The following EHMT1 variants were observed in gnomAD, a reference collection of about 807,000 sequenced individuals.
The protein encoded by EHMT1 is euchromatic histone lysine methyltransferase 1.
EHMT1 carries 15 observed loss-of-function variants against 147.2 expected under a neutral mutation model. That is an observed-to-expected ratio of 0.10 (90% CI 0.07 to 0.16). EHMT1 has a LOEUF of 0.16. EHMT1 is among the 10% of genes least tolerant of loss of function. The pLI is 1.00. For synonymous variants in EHMT1, 795 were observed against 709.6 expected, an observed-to-expected ratio of 1.12 and a Z score of -1.91; for missense variants, 1,587 against 1,772.4, an observed-to-expected ratio of 0.90 and a Z score of 1.88.
At chr9:137,679,549 A>T (rs866727064) in intron 1 of EHMT1, among the ~76,000 whole-genome samples, 2 of 152,066 alleles carry the variant, frequency 1.3e-5, no homozygotes, top group Admixed American at 6.6e-5. Context: ...TCCTCTTCTT[A>T]CTAATTCCTG....
At chr9:137,814,719 G>T in intron 22 of EHMT1, 1 of 642,760 alleles carries the variant, frequency 1.6e-6, no homozygotes, top group South Asian at 1.8e-5. Context: ...GGATTCCCTG[G>T]GGCTGGGGTC....
rs934927045 is a variant in EHMT1, at chr9:137,817,784, C to T, written c.3461+259C>T. On this transcript the variant is annotated intron_variant, in intron 24 of 26. Transcript: ENST00000460843. Reference sequence around the variant, plus strand: ...GGAAGGCGTGGTCCAGTTAGGAAGGCGTGGTCCAGCATGGGCAGTCATCTC... The same window carrying T: ...GGAAGGCGTGGTCCAGTTAGGAAGGTGTGGTCCAGCATGGGCAGTCATCTC... The T allele has an allele frequency of 3.8e-5, 24 of 625,206 alleles. No homozygotes were observed. In the East Asian group the frequency reaches 4.1e-4, roughly 11 times the overall value. 38.7% of individuals were successfully genotyped at this position (625,206 alleles called of 1,614,324 possible).
At chr9:137,631,888 A>G (rs1440557990) in intron 1 of EHMT1, among the ~76,000 whole-genome samples, 2 of 152,186 alleles carry the variant, frequency 1.3e-5, no homozygotes, top group Admixed American at 6.5e-5. Flanking sequence ...AAAAAAAGAA[A>G]AAAAAGATTA....
At chr9:137,772,165 T>G (rs1482644708) in intron 10 of EHMT1, among the ~76,000 whole-genome samples, 2 of 152,126 alleles carry the variant, frequency 1.3e-5, no homozygotes, top group Non-Finnish European at 2.9e-5. Flanking sequence ...TATTTATGGC[T>G]AAAATGGCAT....
intron 2 of EHMT1, among the ~76,000 whole-genome samples, chr9:137,714,950 G>A (rs1352310140): frequency 1.3e-5 from 2 of 152,088 alleles, no homozygotes; most frequent in Admixed American, 1.3e-4. Flanking sequence ...TTGGCTTTGA[G>A]TAATCTTGGC....
At chr9:137,728,718 G>T (rs912231493) in intron 4 of EHMT1, 189 bp downstream of exon 4, 16 of 687,964 alleles carry the variant, frequency 2.3e-5, no homozygotes, top group African/African-American at 2.1e-4. Context: ...TCTAAGCCTT[G>T]TCTCATGCCA....
intron 1 of EHMT1, among the ~76,000 whole-genome samples, chr9:137,705,179 A>T (rs1378777036): frequency 1.1e-4 from 16 of 151,916 alleles, no homozygotes; most frequent in African/African-American, 3.6e-4. Context: ...GTTTGTAGAG[A>T]TGGGGGTCTC....
Position 137,790,980 on chromosome 9 carries a change from C to T in EHMT1, c.2505+10C>T. ...CCTGGTGGATCCCAAGGTATGTTCC[C>T]CTGTCAGAATCAACGTCCTAGTGTG... On this transcript the variant is annotated intron_variant, in intron 16 of 26. Transcript: ENST00000460843. 1 of 1,614,168 alleles carries T rather than the reference C, an allele frequency of 6.2e-7. No homozygotes were observed. The highest frequency in any genetic ancestry group is 8.5e-7 in the Non-Finnish European group (1 of 1,180,040).
At chr9:137,743,600 A>C in intron 5 of EHMT1, 72 bp downstream of exon 5, 1 of 1,608,088 alleles carries the variant, frequency 6.2e-7, no homozygotes, top group Non-Finnish European at 8.5e-7. Flanking sequence ...CCTCGTTATC[A>C]GTAATTTGGG....
chr9:137,723,112 T>C (rs1424929446), intron 3 of EHMT1, among the ~76,000 whole-genome samples: 8 of 132,644 alleles, frequency 6.0e-5, no homozygotes, highest in African/African-American at 5.7e-5. Flanking sequence ...CCGGGGTGTG[T>C]CTGTGTCCGT....
intron 1 of EHMT1, among the ~76,000 whole-genome samples, chr9:137,642,032 G>C (rs145297385): frequency 1.3e-5 from 2 of 151,428 alleles, no homozygotes; most frequent in African/African-American, 4.9e-5. Flanking sequence ...TAGAGACGGA[G>C]TTTCGTCAAG....
intron 1 of EHMT1, among the ~76,000 whole-genome samples, chr9:137,653,300 C>T (rs542164406): frequency 6.6e-6 from 1 of 152,296 alleles, no homozygotes; most frequent in South Asian, 2.1e-4. Flanking sequence ...AACACAGTAA[C>T]ATGCTGCATA....
intron 1 of EHMT1, among the ~76,000 whole-genome samples, chr9:137,665,693 C>G (rs1393441127): frequency 2.6e-5 from 4 of 152,158 alleles, no homozygotes; most frequent in Non-Finnish European, 5.9e-5. Context: ...GTGGGATGAG[C>G]TGTGTTGATG....
Position 137,743,380 on chromosome 9 carries a change from C to A in EHMT1, c.833C>A (p.Pro278His). The A allele has an allele frequency of 6.3e-7, 1 of 1,583,236 alleles. No homozygotes were observed. The change falls in exon 5 of 27, where the codon CCT (proline) becomes CAT (histidine). Residue 278 changes from proline to histidine, a missense_variant. By Grantham distance (77) the Pro-to-His change is moderately conservative. Around this residue, in one of 7 missense-constraint regions of EHMT1, gnomAD observed 810 missense variants for 673.0 expected, o/e 1.20. Coordinates refer to ENST00000460843, the MANE Select transcript of EHMT1 (RefSeq NM_024757.5). ...TTTTTTTTTTTTTTAGCTTGCTTGC[C>A]TTTTGTTTTAGCAGCTGCAGTATCT... ...ATTKSQTACL[P>H]FVLAAAVSRK...
intron 3 of EHMT1, among the ~76,000 whole-genome samples, chr9:137,720,031 C>A (rs1272965575): frequency 1.8e-5 from 1 of 54,420 alleles, no homozygotes; most frequent in East Asian, 3.0e-4. Context: ...AGGTGCCGAA[C>A]CTCCTCCACA....
intron 18 of EHMT1, among the ~76,000 whole-genome samples, chr9:137,805,396 C>T (rs559730336): frequency 7.9e-5 from 12 of 152,286 alleles, no homozygotes; most frequent in Admixed American, 5.2e-4. Context: ...CAGTCGTCCA[C>T]ATGTCAGAGT....
At chr9:137,625,777 A>G in intron 1 of EHMT1, among the ~76,000 whole-genome samples, 1 of 151,292 alleles carries the variant, frequency 6.6e-6, no homozygotes, top group Admixed American at 6.6e-5. Context: ...TTGGGGGAGC[A>G]TTTTTGACCA....
intron 9 of EHMT1, among the ~76,000 whole-genome samples, chr9:137,762,049 G>A (rs916210015): frequency 3.9e-5 from 6 of 152,256 alleles, no homozygotes; most frequent in East Asian, 1.9e-4. Flanking sequence ...GCCCAAGGCC[G>A]CCTGCCTGAC....
At chr9:137,761,329 T>C (rs1448831997) in intron 9 of EHMT1, among the ~76,000 whole-genome samples, 1 of 152,252 alleles carries the variant, frequency 6.6e-6, no homozygotes, top group African/African-American at 2.4e-5. Flanking sequence ...AGATATCCTT[T>C]GTTTTCAAAT....
Sources: gnomAD v4.1 joint callset for allele counts (sites outside exome capture counted in the v4.1 genomes callset) on GRCh38, gnomAD v4.1.1 for gene constraint, gnomAD v4.1.1 regional missense constraint, MANE v1.5 for transcripts, NCBI Gene and HGNC (gene_info 2026-07-23, HGNC 2026-07-21) for gene names.